NAALADL2: variants seen among roughly 807,000 people sequenced by gnomAD.
NAALADL2 encodes N-acetylated alpha-linked acidic dipeptidase like 2, also known as inactive N-acetylated-alpha-linked acidic dipeptidase-like protein 2.
NAALADL2 carries 76 observed loss-of-function variants against 87.2 expected under a neutral mutation model. That is an observed-to-expected ratio of 0.87 (90% CI 0.72 to 1.05). The LOEUF is 1.05. Ranked by LOEUF, NAALADL2 falls within the 50% of genes least tolerant of loss-of-function variation. The pLI is 0.00. For missense variants in NAALADL2, 1,089 were observed against 945.8 expected (o/e 1.15, Z -1.99); for synonymous variants, 354 against 331.0 (o/e 1.07, Z -0.75).
intron 3 of NAALADL2, among the ~76,000 whole-genome samples, chr3:174,815,830 G>GTTTTTTTTTTTTTTTTTTTTTTTT (rs10589968): frequency 1.7e-5 from 2 of 115,196 alleles, no homozygotes; most frequent in African/African-American, 2.9e-5. Flanking sequence ...TTTGACTTTA[G>GTTTTTTTTTTTTTTTTTTTTTTTT]TTTTTTTTTT....
chr3:174,443,179 C>T (rs1374463098), intron 1 of NAALADL2, among the ~76,000 whole-genome samples: 1 of 152,208 alleles, frequency 6.6e-6, no homozygotes, highest in Non-Finnish European at 1.5e-5. Context: ...TACCATTACT[C>T]TGCCTACTGT....
At chr3:174,845,873 T>G (rs1273421562) in intron 3 of NAALADL2, among the ~76,000 whole-genome samples, 1 of 152,096 alleles carries the variant, frequency 6.6e-6, no homozygotes, top group African/African-American at 2.4e-5. Context: ...GACAGTAGCG[T>G]CTTAGGAATG....
At chr3:174,661,703 T>C (rs1290206426) in intron 2 of NAALADL2, among the ~76,000 whole-genome samples, 3 of 152,198 alleles carry the variant, frequency 2.0e-5, no homozygotes, top group African/African-American at 7.2e-5. Flanking sequence ...CATTAAGTAA[T>C]TTCTTTACCC....
chr3:175,419,398 A>T (rs1405511247), intron 5 of NAALADL2, among the ~76,000 whole-genome samples: 1 of 151,840 alleles, frequency 6.6e-6, no homozygotes, highest in African/African-American at 2.4e-5. Context: ...AAAATTATAT[A>T]AAAAATTATT....
intron 5 of NAALADL2, among the ~76,000 whole-genome samples, chr3:175,407,200 A>T (rs1172144718): frequency 6.6e-6 from 1 of 152,184 alleles, no homozygotes; most frequent in East Asian, 1.9e-4. Flanking sequence ...ATAAAATAAT[A>T]AAAGTGTCAG....
intron 9 of NAALADL2, among the ~76,000 whole-genome samples, chr3:175,510,775 G>T (rs942122724): frequency 2.6e-5 from 4 of 152,174 alleles, no homozygotes; most frequent in Admixed American, 1.3e-4. Flanking sequence ...GATTCAGAAT[G>T]CCTGGATTTA....
intron 5 of NAALADL2, among the ~76,000 whole-genome samples, chr3:175,350,336 A>G (rs1361741531): frequency 6.6e-6 from 1 of 152,192 alleles, no homozygotes; most frequent in African/African-American, 2.4e-5. Context: ...ATGTTGAGGT[A>G]GAGAAGCAGT....
intron 1 of NAALADL2, among the ~76,000 whole-genome samples, chr3:175,052,664 A>G (rs1755569336): frequency 1.3e-5 from 2 of 150,412 alleles, no homozygotes; most frequent in South Asian, 4.2e-4. Flanking sequence ...GATGTTTTAA[A>G]TATTTGTTCT....
At chr3:174,666,223 A>G (rs1365652883) in intron 2 of NAALADL2, among the ~76,000 whole-genome samples, 1 of 152,238 alleles carries the variant, frequency 6.6e-6, no homozygotes, top group East Asian at 1.9e-4. Context: ...AGTCAAAAAT[A>G]GATTTTGATA....
chr3:174,911,331 TG>T (rs1330757851), intron 1 of NAALADL2, among the ~76,000 whole-genome samples: 1 of 152,106 alleles, frequency 6.6e-6, no homozygotes, highest in Non-Finnish European at 1.5e-5. Flanking sequence ...TAGAATTAAA[TG>T]TGGAAGAAAA....
At chr3:175,315,917 C>T (rs1436743197) in intron 4 of NAALADL2, among the ~76,000 whole-genome samples, 7 of 152,128 alleles carry the variant, frequency 4.6e-5, no homozygotes, top group African/African-American at 1.7e-4. Context: ...ATATATTCCT[C>T]ACCAATAGTT....
At chr3:175,730,400 ATAT>A (rs1743525152) in intron 11 of NAALADL2, among the ~76,000 whole-genome samples, 3 of 6,776 alleles carry the variant, frequency 4.4e-4, no homozygotes, top group African/African-American at 1.3e-3. Flanking sequence ...ATACAGATAT[ATAT>A]ATATATATAT....
At chr3:175,462,381 G>C (rs1421086629) in intron 6 of NAALADL2, among the ~76,000 whole-genome samples, 1 of 152,030 alleles carries the variant, frequency 6.6e-6, no homozygotes, top group African/African-American at 2.4e-5. Flanking sequence ...CTTTACTTTT[G>C]TTTTGGTTAT....
intron 11 of NAALADL2, among the ~76,000 whole-genome samples, chr3:175,639,318 CTTTTT>C (rs756214274): frequency 1.0e-4 from 11 of 108,718 alleles, no homozygotes; most frequent in African/African-American, 4.6e-4. Context: ...AAGCGTTATT[CTTTTT>C]TTTTTTTTTT....
intron 4 of NAALADL2, among the ~76,000 whole-genome samples, chr3:175,323,655 C>A (rs1760249073): frequency 1.5e-5 from 2 of 137,748 alleles, no homozygotes; most frequent in African/African-American, 5.7e-5. Flanking sequence ...AGAGAAAAAC[C>A]GGAGGAAAAA....
intron 5 of NAALADL2, among the ~76,000 whole-genome samples, chr3:175,378,611 C>T (rs1767434456): frequency 6.6e-6 from 1 of 152,180 alleles, no homozygotes; most frequent in Non-Finnish European, 1.5e-5. Flanking sequence ...GTGAAGCTCC[C>T]ACTTCCTTGT....
At chr3:175,147,122 G>T (rs138070212) in intron 2 of NAALADL2, among the ~76,000 whole-genome samples, 215 of 152,092 alleles carry the variant, frequency 1.4e-3, no homozygotes, top group Non-Finnish European at 2.8e-3. Context: ...TAGATTCAAG[G>T]GATACACATG....
At chr3:174,694,833 G>T (rs1287564160) in intron 2 of NAALADL2, among the ~76,000 whole-genome samples, 1 of 151,986 alleles carries the variant, frequency 6.6e-6, no homozygotes, top group Non-Finnish European at 1.5e-5. Context: ...TAGAATGCAT[G>T]TTTATAGCAG....
rs113022824 is a variant in NAALADL2 at position 175,353,108 on chromosome 3, ATGTGTGTGTGTG to A, written c.1090+28803_1090+28814del. 3.4e-4 allele frequency among the ~76,000 whole-genome samples: 49 copies of A among 144,966 alleles called. 1 individual carries two copies. The highest frequency in any genetic ancestry group is 1.1e-3 in the African/African-American group (41 of 38,114). ...TTTATTCAAATATCCATTTAATAAA[ATGTGTGTGTGTG>A]TGTGTGTGTGTGTGTGTGTTTGGCT... On this transcript the variant is annotated intron_variant, in intron 5 of 13. Coordinates refer to ENST00000454872, the MANE Select transcript of NAALADL2 (RefSeq NM_207015.3).
Sources: allele counts gnomAD v4.1 joint callset (sites outside exome capture counted in the v4.1 genomes callset), GRCh38; gene constraint gnomAD v4.1.1; transcripts MANE v1.5; gene names NCBI Gene and HGNC (gene_info 2026-07-23, HGNC 2026-07-21).